ZNF573: variants seen among roughly 807,000 people sequenced by gnomAD.
ZNF573 encodes zinc finger protein 573.
Under a neutral mutation model 57.4 loss-of-function variants are expected in ZNF573, and 41 were observed. The observed-to-expected ratio is 0.71, with a 90% CI of 0.56 to 0.93. The LOEUF (loss-of-function observed/expected upper bound fraction) is 0.93. Ranked by LOEUF, ZNF573 falls within the 40% of genes least tolerant of loss-of-function variation. The probability of loss-of-function intolerance (pLI) is 0.00; values close to 1 mark genes in which losing one functional copy is unlikely to be tolerated. For synonymous variants in ZNF573, 249 were observed against 261.0 expected (o/e 0.95, Z 0.44); for missense variants, 730 against 794.8 (o/e 0.92, Z 0.98).
chr19:37,774,705 C>G (rs1203442252), intron 1 of ZNF573, among the ~76,000 whole-genome samples: 2 of 152,110 alleles, frequency 1.3e-5, no homozygotes, highest in African/African-American at 4.8e-5. Context: ...ATCATTGGAT[C>G]GTTAAAAAGA....
intron 4 of ZNF573, among the ~76,000 whole-genome samples, chr19:37,754,979 A>T (rs1182140792): frequency 1.3e-5 from 2 of 151,788 alleles, no homozygotes; most frequent in African/African-American, 4.8e-5. Context: ...TATTTTATTT[A>T]TTTTTTTTGA....
chr19:37,740,800 G>A (rs1206318010), intron 4 of ZNF573: 2 of 311,440 alleles, frequency 6.4e-6, no homozygotes, highest in South Asian at 2.7e-5. Context: ...AGATACCGAC[G>A]CCTTAAGTCC....
intron 4 of ZNF573, among the ~76,000 whole-genome samples, chr19:37,742,045 A>G (rs1214520721): frequency 6.6e-6 from 1 of 152,182 alleles, no homozygotes; most frequent in Non-Finnish European, 1.5e-5. Context: ...ACAAGCAGAG[A>G]GCCAAATCAT....
intron 4 of ZNF573, among the ~76,000 whole-genome samples, chr19:37,748,151 C>T (rs59716659): frequency 2.4e-4 from 36 of 152,260 alleles, no homozygotes; most frequent in African/African-American, 8.7e-4. Flanking sequence ...GAAGATAAGA[C>T]AAATGTATAC....
intron 4 of ZNF573, 114 bp downstream of exon 4, chr19:37,769,891 G>T: frequency 2.4e-6 from 2 of 837,688 alleles, no homozygotes; most frequent in Non-Finnish European, 4.0e-6. Context: ...GTAGGCCTTT[G>T]CTCCACAAGT....
At chr19:37,754,633 C>A (rs1376142097) in intron 4 of ZNF573, among the ~76,000 whole-genome samples, 1 of 149,848 alleles carries the variant, frequency 6.7e-6, no homozygotes, top group Middle Eastern at 3.3e-3. Flanking sequence ...TGCTTGCATT[C>A]CAGAAAAAAA....
intron 4 of ZNF573, among the ~76,000 whole-genome samples, chr19:37,741,602 C>T (rs2045327873): frequency 6.6e-6 from 1 of 152,098 alleles, no homozygotes; most frequent in Admixed American, 6.5e-5. Context: ...TCAATAGATA[C>T]AGAAAAGGCC....
chr19:37,740,288 G>T (rs2045315361), intron 4 of ZNF573, 94 bp from the exon 5 acceptor site: 2 of 1,139,698 alleles, frequency 1.8e-6, no homozygotes, highest in Non-Finnish European at 2.5e-6. Flanking sequence ...TTCATAATAA[G>T]TGAATGGCAT....
intron 4 of ZNF573, chr19:37,740,782 C>T (rs1446513865): frequency 3.1e-6 from 1 of 322,940 alleles, no homozygotes; most frequent in Non-Finnish European, 6.1e-6. Flanking sequence ...GATACCAAAA[C>T]CCAACCCAGA....
At chr19:37,763,179 G>C (rs2045568837) in intron 4 of ZNF573, among the ~76,000 whole-genome samples, 1 of 152,100 alleles carries the variant, frequency 6.6e-6, no homozygotes, top group Non-Finnish European at 1.5e-5. Context: ...CTGGAAGGCT[G>C]TCTCATATGC....
chr19:37,769,900 G>T, intron 4 of ZNF573, 105 bp downstream of exon 4: 1 of 929,890 alleles, frequency 1.1e-6, no homozygotes, highest in Non-Finnish European at 1.7e-6. Flanking sequence ...TGCTCCACAA[G>T]TCTGGGTGCC....
chr19:37,749,849 C>T (rs1188213549), intron 4 of ZNF573, among the ~76,000 whole-genome samples: 1 of 152,134 alleles, frequency 6.6e-6, no homozygotes, highest in Non-Finnish European at 1.5e-5. Flanking sequence ...TACTAACTTG[C>T]TTGAAATGCA....
intron 4 of ZNF573, among the ~76,000 whole-genome samples, chr19:37,747,840 C>A (rs929849629): frequency 6.6e-6 from 1 of 152,130 alleles, no homozygotes; most frequent in Non-Finnish European, 1.5e-5. Flanking sequence ...GCGCCTGACA[C>A]CATGCCCGGC....
chr19:37,753,511 ACAGG>A (rs2045458646), intron 4 of ZNF573, among the ~76,000 whole-genome samples: 1 of 152,148 alleles, frequency 6.6e-6, no homozygotes, highest in African/African-American at 2.4e-5. Context: ...GCTATAAAAG[ACAGG>A]CAGAAGAAGT....
chr19:37,745,073 T>C (rs2045367960), intron 4 of ZNF573, among the ~76,000 whole-genome samples: 1 of 149,508 alleles, frequency 6.7e-6, no homozygotes, highest in East Asian at 2.0e-4. Flanking sequence ...TGAGCCACCG[T>C]GCCCGGCCAG....
intron 3 of ZNF573, 145 bp downstream of exon 3, chr19:37,771,419 G>T: frequency 1.1e-6 from 1 of 928,828 alleles, no homozygotes; most frequent in Non-Finnish European, 1.6e-6. Flanking sequence ...CACAGCCATT[G>T]TCAAACAGGC....
rs959474858 is a variant in ZNF573 at position 37,762,777 on chromosome 19, T to G, written c.295+7228A>C. ...TGTACCAACCTTTGGAGCCAGTCTT[T>G]TTTTTTTTTTTTGAGAAGGAGTCTC... On this transcript the variant is annotated intron_variant, in intron 4 of 4. Transcript: ENST00000536220. 2.4e-4 allele frequency among the ~76,000 whole-genome samples: 36 copies of G among 151,182 alleles called. No individual in the cohort carries two copies. In the Middle Eastern group the frequency reaches 0.014, roughly 57 times the overall value.
chr19:37,753,769 A>C (rs1196063654), intron 4 of ZNF573, among the ~76,000 whole-genome samples: 1 of 152,208 alleles, frequency 6.6e-6, no homozygotes, highest in African/African-American at 2.4e-5. Context: ...AAAAAGATCA[A>C]GTCACTTTGA....
chr19:37,763,889 C>T (rs2045575622), intron 4 of ZNF573, among the ~76,000 whole-genome samples: 1 of 151,814 alleles, frequency 6.6e-6, no homozygotes, highest in Non-Finnish European at 1.5e-5. Flanking sequence ...CATGGAGAAA[C>T]CCCATCTCTA....
Sources: allele counts gnomAD v4.1 joint callset (sites outside exome capture counted in the v4.1 genomes callset), GRCh38; gene constraint gnomAD v4.1.1; transcripts MANE v1.5; gene names NCBI Gene and HGNC (gene_info 2026-07-23, HGNC 2026-07-21).